Variants in GALNT1 observed in about 807,000 individuals in gnomAD.
The protein encoded by GALNT1 is polypeptide N-acetylgalactosaminyltransferase 1, also known as GalNAc transferase 1.
GALNT1 carries 17 observed loss-of-function variants against 65.7 expected under a neutral mutation model. The ratio of observed to expected loss-of-function variants is 0.26; its 90% CI spans 0.18 to 0.39. The LOEUF (loss-of-function observed/expected upper bound fraction) is 0.39. Ranked by LOEUF, GALNT1 falls within the 10% of genes least tolerant of loss-of-function variation. GALNT1 has a pLI of 1.00. For missense variants in GALNT1, 460 were observed against 672.8 expected (o/e 0.68, Z 3.50); for synonymous variants, 210 against 219.7 (o/e 0.96, Z 0.39).
chr18:35,622,133 A>C (rs1250416232), intron 1 of GALNT1, among the ~76,000 whole-genome samples: 1 of 152,218 alleles, frequency 6.6e-6, no homozygotes, highest in Non-Finnish European at 1.5e-5. Flanking sequence ...GTAAGTACAC[A>C]GATTAATATA....
At position 35,595,278 on chromosome 18, in the gene GALNT1, G is replaced by A. The variant is rs139830147; in HGVS notation, c.-104+13416G>A. Among the ~76,000 whole-genome samples, 5 of 152,246 alleles carry A rather than the reference G, an allele frequency of 3.3e-5. No homozygotes were observed. In the East Asian group the frequency reaches 9.6e-4, roughly 29 times the overall value. Reference sequence around the variant, plus strand: ...AAGATTTTGCTTAGAGGAAAGAGAGGTGGAGTCTGCCTGGGACACACACAC... The same window carrying A: ...AAGATTTTGCTTAGAGGAAAGAGAGATGGAGTCTGCCTGGGACACACACAC... On this transcript the variant is annotated intron_variant, in intron 1 of 11. Coordinates refer to ENST00000269195, the MANE Select transcript of GALNT1 (RefSeq NM_020474.4).
chr18:35,591,364 T>C (rs1304833381), intron 1 of GALNT1, among the ~76,000 whole-genome samples: 1 of 152,160 alleles, frequency 6.6e-6, no homozygotes, highest in African/African-American at 2.4e-5. Flanking sequence ...TAATTGGAGA[T>C]GGGGAAGCAA....
At chr18:35,687,288 A>C in intron 6 of GALNT1, 102 bp downstream of exon 6, 1 of 1,130,692 alleles carries the variant, frequency 8.8e-7, no homozygotes, top group Admixed American at 2.2e-5. Context: ...AGAAACGTGA[A>C]GCATTCGTAT....
rs142415108 is a variant in GALNT1, at chr18:35,647,383, C to G, written c.-103-7177C>G. The stretch of plus-strand genomic sequence containing the variant: ...GTGCATTTTGTTCACCCTTGTATTC[C>G]CTGCATTTGACACATTCCCTACATT... On this transcript the variant is annotated intron_variant, in intron 1 of 11. Transcript: ENST00000269195. Among the ~76,000 whole-genome samples the G allele has an allele frequency of 3.3e-5, 5 of 152,184 alleles. No homozygotes were observed. The East Asian group carries it at 9.6e-4, about 29-fold the overall frequency.
intron 1 of GALNT1, among the ~76,000 whole-genome samples, chr18:35,591,026 A>T (rs2143866863): frequency 1.3e-5 from 2 of 152,262 alleles, no homozygotes; most frequent in Middle Eastern, 6.8e-3. Flanking sequence ...GCCACTGGGG[A>T]TAGGAAATAA....
At chr18:35,604,236 A>G (rs2143980961) in intron 1 of GALNT1, among the ~76,000 whole-genome samples, 1 of 152,276 alleles carries the variant, frequency 6.6e-6, no homozygotes, top group Admixed American at 6.5e-5. Flanking sequence ...ATGTTGTTGC[A>G]AAGGACGTGA....
intron 3 of GALNT1, among the ~76,000 whole-genome samples, chr18:35,671,671 T>C (rs1345276939): frequency 6.6e-6 from 1 of 152,222 alleles, no homozygotes. Context: ...TTCCTGCTTT[T>C]CTAATTGATA....
At position 35,700,622 on chromosome 18, in the gene GALNT1, T is replaced by C. The variant is rs568253173; in HGVS notation, c.1300-2275T>C. ...TGTCAGGAATTAGTTATAGGAATCT[T>C]GTAAGGATGGTATAAGCTGTTATGT... On this transcript the variant is annotated intron_variant, in intron 9 of 11. Transcript: ENST00000269195. 2.6e-5 allele frequency among the ~76,000 whole-genome samples: 4 copies of C among 152,266 alleles called. No homozygotes were observed. In the East Asian group the frequency reaches 7.7e-4, roughly 29 times the overall value.
chr18:35,635,340 C>G (rs2047075067), intron 1 of GALNT1, among the ~76,000 whole-genome samples: 1 of 152,176 alleles, frequency 6.6e-6, no homozygotes, highest in Admixed American at 6.5e-5. Context: ...GCTCTGGTAA[C>G]TGAAACTGGG....
intron 1 of GALNT1, among the ~76,000 whole-genome samples, chr18:35,594,140 T>C (rs1290771809): frequency 6.6e-6 from 1 of 151,918 alleles, no homozygotes; most frequent in African/African-American, 2.4e-5. Context: ...GGCATAACTT[T>C]GCCTGAAAGT....
At chr18:35,589,242 G>T (rs986691651) in intron 1 of GALNT1, among the ~76,000 whole-genome samples, 3 of 152,114 alleles carry the variant, frequency 2.0e-5, no homozygotes, top group Non-Finnish European at 4.4e-5. Context: ...AGGGTGCCTT[G>T]TTACCAGCTG....
At chr18:35,706,936 G>A (rs1221221022) in intron 11 of GALNT1, among the ~76,000 whole-genome samples, 1 of 152,046 alleles carries the variant, frequency 6.6e-6, no homozygotes, top group African/African-American at 2.4e-5. Flanking sequence ...TTAAACCCAG[G>A]ATACTTTTTA....
At chr18:35,605,021 C>T (rs1037633503) in intron 1 of GALNT1, among the ~76,000 whole-genome samples, 3 of 152,084 alleles carry the variant, frequency 2.0e-5, no homozygotes, top group Non-Finnish European at 4.4e-5. Flanking sequence ...CTCAGATATT[C>T]TTTAATTTTG....
intron 3 of GALNT1, among the ~76,000 whole-genome samples, chr18:35,665,257 C>A (rs945138774): frequency 1.3e-5 from 2 of 151,940 alleles, no homozygotes; most frequent in Non-Finnish European, 2.9e-5. Flanking sequence ...ATATTACAAC[C>A]ATAAAATGAG....
At chr18:35,688,099 T>G (rs912211766) in intron 6 of GALNT1, among the ~76,000 whole-genome samples, 3 of 152,192 alleles carry the variant, frequency 2.0e-5, no homozygotes, top group Non-Finnish European at 4.4e-5. Flanking sequence ...CAAAATTTTT[T>G]GAAAATCTGG....
intron 3 of GALNT1, among the ~76,000 whole-genome samples, chr18:35,668,705 T>G (rs1051000716): frequency 5.9e-5 from 9 of 152,288 alleles, no homozygotes; most frequent in African/African-American, 2.2e-4. Context: ...CTATACAGTA[T>G]TGTGCCTGTA....
intron 11 of GALNT1, among the ~76,000 whole-genome samples, chr18:35,708,970 C>T (rs2048310745): frequency 6.6e-6 from 1 of 152,162 alleles, no homozygotes; most frequent in African/African-American, 2.4e-5. Context: ...GAACTCAACT[C>T]CACATTCCTG....
chr18:35,591,651 G>C (rs1445548597), intron 1 of GALNT1: 1 of 154,374 alleles, frequency 6.5e-6, no homozygotes, highest in African/African-American at 2.4e-5. Context: ...AAAAGAGTAT[G>C]GATGTTCTTT....
intron 9 of GALNT1, among the ~76,000 whole-genome samples, chr18:35,701,003 A>C (rs1333639452): frequency 6.6e-6 from 1 of 152,212 alleles, no homozygotes; most frequent in Non-Finnish European, 1.5e-5. Context: ...ATTTATATCA[A>C]AAGTATAAGG....
Sources: allele counts gnomAD v4.1 joint callset (sites outside exome capture counted in the v4.1 genomes callset), GRCh38; gene constraint gnomAD v4.1.1; transcripts MANE v1.5; gene names NCBI Gene and HGNC (gene_info 2026-07-23, HGNC 2026-07-21).